The following CTNNA2 variants were observed in gnomAD, a reference collection of about 807,000 sequenced individuals.
CTNNA2 encodes the protein catenin alpha-2.
In CTNNA2, 42 loss-of-function variants were observed where a neutral mutation model predicts 101.0. The ratio of observed to expected loss-of-function variants is 0.42; its 90% CI spans 0.32 to 0.54. The LOEUF (loss-of-function observed/expected upper bound fraction) is 0.54, where lower values mean the gene tolerates loss of function less well. CTNNA2 is among the 20% of genes least tolerant of loss of function. CTNNA2 has a pLI of 0.14. For synonymous variants in CTNNA2, 450 were observed against 456.4 expected (o/e 0.99, Z 0.18); for missense variants, 871 against 1,223.1 (o/e 0.71, Z 4.29).
intron 1 of CTNNA2, among the ~76,000 whole-genome samples, chr2:79,636,269 CAAA>C (rs57739991): frequency 0.17 from 11,573 of 67,050 alleles, 1,002 homozygotes; most frequent in East Asian, 0.44. Context: ...GACTCTGTCT[CAAA>C]AAAAAAAAAA....
chr2:79,406,972 C>T (rs1344762294), intron 4 of CTNNA2, among the ~76,000 whole-genome samples: 1 of 151,990 alleles, frequency 6.6e-6, no homozygotes, highest in Non-Finnish European at 1.5e-5. Context: ...GCTGAGAAGC[C>T]CATCTTCATT....
At chr2:79,497,354 C>G (rs1671267982) in intron 4 of CTNNA2, among the ~76,000 whole-genome samples, 1 of 152,166 alleles carries the variant, frequency 6.6e-6, no homozygotes, top group Non-Finnish European at 1.5e-5. Flanking sequence ...ATTTTGTATT[C>G]TCAACTCTTG....
In CTNNA2 at chr2:80,574,407, C is replaced by G. The variant is rs565269013; in HGVS notation, c.1893+93C>G. On this transcript the variant is annotated intron_variant, in intron 13 of 18. Transcript: ENST00000402739. Reference sequence around the variant, plus strand: ...TTATTTATTATTTATTTTGTAATTACTGAGTTTAACTTGGTAAGCTGTTTG... The same window carrying G: ...TTATTTATTATTTATTTTGTAATTAGTGAGTTTAACTTGGTAAGCTGTTTG... 39 of 1,382,988 alleles carry G rather than the reference C, an allele frequency of 2.8e-5. No individual in the cohort carries two copies. The African/African-American group carries it at 5.3e-4, about 19-fold the overall frequency. The allele number at this position is 1,382,988 out of a possible 1,614,324, so 85.7% of individuals were successfully genotyped here.
At chr2:79,906,851 T>C (rs1234743682) in intron 6 of CTNNA2, among the ~76,000 whole-genome samples, 1 of 152,244 alleles carries the variant, frequency 6.6e-6, no homozygotes, top group East Asian at 1.9e-4. Flanking sequence ...AAGCATTTCA[T>C]ATGATAATTT....
At chr2:80,021,052 A>G (rs1574559605) in intron 7 of CTNNA2, among the ~76,000 whole-genome samples, 1 of 123,522 alleles carries the variant, frequency 8.1e-6, no homozygotes, top group Non-Finnish European at 1.6e-5. Flanking sequence ...CCCAGGCTGG[A>G]GTGCGGTGGC....
intron 7 of CTNNA2, among the ~76,000 whole-genome samples, chr2:80,163,594 A>C (rs1704474932): frequency 6.6e-6 from 1 of 152,076 alleles, no homozygotes; most frequent in Non-Finnish European, 1.5e-5. Context: ...GCTGGGTGGA[A>C]TGTTCTACAA....
intron 2 of CTNNA2, among the ~76,000 whole-genome samples, chr2:79,300,504 T>A (rs1184897712): frequency 6.6e-6 from 1 of 152,186 alleles, no homozygotes; most frequent in East Asian, 1.9e-4. Flanking sequence ...AGAATTCATT[T>A]ACTGAGGGAA....
At chr2:79,369,648 C>A (rs1677827819) in intron 3 of CTNNA2, among the ~76,000 whole-genome samples, 1 of 152,190 alleles carries the variant, frequency 6.6e-6, no homozygotes, top group African/African-American at 2.4e-5. Context: ...ATATCGCACA[C>A]TCCTTGAAGA....
chr2:79,230,002 G>A (rs546640240), intron 2 of CTNNA2, among the ~76,000 whole-genome samples: 2 of 152,152 alleles, frequency 1.3e-5, no homozygotes, highest in South Asian at 2.1e-4. Context: ...ATGTAATTTG[G>A]GTGCTGTTAA....
rs1679476525 is a variant in CTNNA2, at chr2:79,837,573, G to T, written c.299-20440G>T. Among the ~76,000 whole-genome samples, 3 of 152,060 alleles carry T rather than the reference G, an allele frequency of 2.0e-5. No individual in the cohort carries two copies. The South Asian group carries it at 6.2e-4, about 32-fold the overall frequency. On this transcript the variant is annotated intron_variant, in intron 3 of 18. Transcript: ENST00000402739. ...GCCAATGATCTCTCAAATGAGCATGGCAGAGGTGTATATTGAAGATGCAAT... is the reference window on the plus strand; with the variant it reads ...GCCAATGATCTCTCAAATGAGCATGTCAGAGGTGTATATTGAAGATGCAAT...
chr2:79,796,269 A>C (rs949305387), intron 3 of CTNNA2, among the ~76,000 whole-genome samples: 7 of 152,014 alleles, frequency 4.6e-5, no homozygotes, highest in African/African-American at 1.7e-4. Flanking sequence ...TCCCTTTAAC[A>C]GCTCTTTAAA....
chr2:79,828,127 A>G (rs2105409684), intron 3 of CTNNA2, among the ~76,000 whole-genome samples: 1 of 152,364 alleles, frequency 6.6e-6, no homozygotes, highest in South Asian at 2.1e-4. Context: ...ATGAGAAAGT[A>G]GTAACCTGCA....
intron 2 of CTNNA2, among the ~76,000 whole-genome samples, chr2:79,225,244 C>T (rs189898395): frequency 6.4e-4 from 98 of 152,234 alleles, no homozygotes; most frequent in Non-Finnish European, 8.7e-4. Flanking sequence ...ATTTTGCAGT[C>T]GCACTGACAA....
At chr2:80,523,233 A>T (rs1247458621) in intron 9 of CTNNA2, among the ~76,000 whole-genome samples, 4 of 152,198 alleles carry the variant, frequency 2.6e-5, no homozygotes, top group African/African-American at 9.6e-5. Flanking sequence ...GTGGGAGAGC[A>T]GAATTCAAAT....
At chr2:80,537,818 C>T (rs1691175206) in intron 9 of CTNNA2, among the ~76,000 whole-genome samples, 1 of 152,040 alleles carries the variant, frequency 6.6e-6, no homozygotes, top group African/African-American at 2.4e-5. Context: ...TTCTCGAACT[C>T]CCGACCTCAG....
intron 7 of CTNNA2, among the ~76,000 whole-genome samples, chr2:80,093,490 T>C (rs1041621607): frequency 3.9e-5 from 6 of 152,136 alleles, no homozygotes; most frequent in Admixed American, 1.3e-4. Flanking sequence ...TTTATAGCAG[T>C]ATGATTTATA....
intron 9 of CTNNA2, among the ~76,000 whole-genome samples, chr2:80,520,072 T>G (rs1397263240): frequency 2.0e-5 from 3 of 152,158 alleles, no homozygotes; most frequent in African/African-American, 7.2e-5. Flanking sequence ...TGTGTTTCCC[T>G]GATTTCCTCA....
intron 5 of CTNNA2, among the ~76,000 whole-genome samples, chr2:79,870,145 A>G (rs1432488711): frequency 1.3e-5 from 2 of 152,174 alleles, no homozygotes; most frequent in Non-Finnish European, 2.9e-5. Context: ...TAAGCAGGCC[A>G]CAGATTATTT....
chr2:80,431,138 T>C (rs1343407784), intron 9 of CTNNA2, among the ~76,000 whole-genome samples: 2 of 152,172 alleles, frequency 1.3e-5, no homozygotes, highest in Admixed American at 1.3e-4. Context: ...GAAGCCATAG[T>C]TGGAGAGGGA....
Sources: gnomAD v4.1 joint callset for allele counts (sites outside exome capture counted in the v4.1 genomes callset) on GRCh38, gnomAD v4.1.1 for gene constraint, MANE v1.5 for transcripts, NCBI Gene and HGNC (gene_info 2026-07-23, HGNC 2026-07-21) for gene names.